The following SLC1A2 variants were observed in gnomAD, a reference collection of about 807,000 sequenced individuals.
SLC1A2 encodes the protein excitatory amino acid transporter 2.
A neutral mutation model predicts 48.8 loss-of-function variants in SLC1A2; 15 were observed. The observed-to-expected ratio is 0.31, with a 90% CI of 0.21 to 0.47. The LOEUF (loss-of-function observed/expected upper bound fraction) is 0.47. Among genes scored for constraint, SLC1A2 ranks in the 20% least tolerant of loss-of-function variants. The probability of loss-of-function intolerance (pLI) is 0.99; values close to 1 mark genes in which losing one functional copy is unlikely to be tolerated. For synonymous variants in SLC1A2, 279 were observed against 272.6 expected (o/e 1.02, Z -0.23); for missense variants, 502 against 730.5 (o/e 0.69, Z 3.61).
intron 1 of SLC1A2, among the ~76,000 whole-genome samples, chr11:35,369,523 G>C (rs1408020539): frequency 5.3e-5 from 8 of 152,176 alleles, no homozygotes; most frequent in African/African-American, 1.7e-4. Context: ...AAAAGCCATG[G>C]GGCCTTGGGG....
intron 1 of SLC1A2, among the ~76,000 whole-genome samples, chr11:35,372,028 C>T (rs542210008): frequency 3.9e-5 from 6 of 152,348 alleles, no homozygotes; most frequent in South Asian, 2.1e-4. Context: ...CAGCAGCTGG[C>T]TCCCCCATCA....
chr11:35,263,551 C>T (rs1950430458), intron 10 of SLC1A2, among the ~76,000 whole-genome samples: 1 of 152,176 alleles, frequency 6.6e-6, no homozygotes, highest in Admixed American at 6.5e-5. Flanking sequence ...AATCTAAAGA[C>T]ATCTCCACGC....
At chr11:35,323,419 T>C (rs994571424) in intron 1 of SLC1A2, 1 of 152,426 alleles carries the variant, frequency 6.6e-6, no homozygotes, top group Non-Finnish European at 1.5e-5. Flanking sequence ...AAACACGTTC[T>C]AATGTAAGAT....
intron 9 of SLC1A2, among the ~76,000 whole-genome samples, chr11:35,276,061 AG>A (rs1339392522): frequency 2.0e-5 from 3 of 152,210 alleles, no homozygotes; most frequent in Non-Finnish European, 4.4e-5. Context: ...TCCTCTTAAA[AG>A]GAATGCTCGT....
At chr11:35,418,714 C>T in intron 1 of SLC1A2, 2 of 556,386 alleles carry the variant, frequency 3.6e-6, no homozygotes, top group Non-Finnish European at 6.4e-6. Flanking sequence ...GCGCACCTTA[C>T]CCTTTTTATC....
chr11:35,352,064 T>A (rs1450329403), intron 1 of SLC1A2, among the ~76,000 whole-genome samples: 2 of 152,206 alleles, frequency 1.3e-5, no homozygotes, highest in African/African-American at 4.8e-5. Flanking sequence ...TTCCTTTATG[T>A]TTCCAACTTT....
intron 4 of SLC1A2, among the ~76,000 whole-genome samples, chr11:35,311,705 T>C (rs1393541262): frequency 6.6e-6 from 1 of 152,104 alleles, no homozygotes; most frequent in Non-Finnish European, 1.5e-5. Context: ...AGGGTATTTG[T>C]ATTTTTTTAA....
chr11:35,324,096 G>A (rs1001009533), intron 1 of SLC1A2, among the ~76,000 whole-genome samples: 2 of 152,222 alleles, frequency 1.3e-5, no homozygotes, highest in African/African-American at 4.8e-5. Flanking sequence ...AGAAATCGAA[G>A]GAGAAGAGCC....
chr11:35,369,171 T>C (rs1422912428), intron 1 of SLC1A2, among the ~76,000 whole-genome samples: 1 of 152,170 alleles, frequency 6.6e-6, no homozygotes, highest in South Asian at 2.1e-4. Flanking sequence ...GGATAATATG[T>C]GGGCAGCAAA....
At chr11:35,343,043 C>A (rs1852900443) in intron 1 of SLC1A2, among the ~76,000 whole-genome samples, 1 of 152,220 alleles carries the variant, frequency 6.6e-6, no homozygotes, top group African/African-American at 2.4e-5. Context: ...GGACTTCTAT[C>A]ACTATCCTGC....
At chr11:35,380,657 A>C in intron 1 of SLC1A2, 1 of 357,764 alleles carries the variant, frequency 2.8e-6, no homozygotes, top group Non-Finnish European at 5.0e-6. Context: ...GTATATAAAT[A>C]AAAACAAAAT....
chr11:35,265,201 G>C (rs1248909264), intron 10 of SLC1A2: 3 of 411,402 alleles, frequency 7.3e-6, no homozygotes, highest in Non-Finnish European at 1.3e-5. Context: ...CCTCGGCCTA[G>C]TAACCACAAA....
chr11:35,377,466 G>A (rs368069551), intron 1 of SLC1A2, among the ~76,000 whole-genome samples: 52 of 152,268 alleles, frequency 3.4e-4, no homozygotes, highest in Admixed American at 1.3e-3. Flanking sequence ...CCATCTGTTC[G>A]TTACCAAAGG....
intron 8 of SLC1A2, among the ~76,000 whole-genome samples, chr11:35,282,266 A>G (rs1296306435): frequency 6.6e-6 from 1 of 152,130 alleles, no homozygotes; most frequent in Non-Finnish European, 1.5e-5. Context: ...CATCTGGGTC[A>G]CAGGAGGTAC....
At chr11:35,285,972 A>G (rs573504721) in intron 8 of SLC1A2, 11 of 152,308 alleles carry the variant, frequency 7.2e-5, no homozygotes, top group Non-Finnish European at 1.3e-4. Flanking sequence ...ATGATTGCAA[A>G]AAGCTTTATT....
At chr11:35,270,551 T>C (rs1850254336) in intron 9 of SLC1A2, among the ~76,000 whole-genome samples, 1 of 152,212 alleles carries the variant, frequency 6.6e-6, no homozygotes. Context: ...GCAGCAAAAA[T>C]CCTTCTTAAA....
In SLC1A2 at chr11:35,407,696, T is replaced by C. The variant is rs1019523200; in HGVS notation, c.17+11254A>G. ...AATCCAATGAGTACTTTTCAGTCCT[T>C]CCACGATTTGACCTCTCCATAGCAT... On this transcript the variant is annotated intron_variant, in intron 1 of 10. Coordinates refer to ENST00000278379, the MANE Select transcript of SLC1A2 (RefSeq NM_004171.4). 2.0e-5 allele frequency among the ~76,000 whole-genome samples: 3 copies of C among 152,332 alleles called. No homozygotes were observed. In the South Asian group the frequency reaches 6.2e-4, roughly 32 times the overall value.
chr11:35,282,628 C>G (rs1259549650), intron 8 of SLC1A2, among the ~76,000 whole-genome samples: 1 of 151,988 alleles, frequency 6.6e-6, no homozygotes, highest in Non-Finnish European at 1.5e-5. Context: ...GAATTCTCAA[C>G]TGTTTCCCAA....
At chr11:35,309,674 A>AT (rs1851625912) in intron 4 of SLC1A2, among the ~76,000 whole-genome samples, 1 of 152,132 alleles carries the variant, frequency 6.6e-6, no homozygotes, top group African/African-American at 2.4e-5. Context: ...AAGACAGGTT[A>AT]TTTTAAATGA....
Sources: allele counts gnomAD v4.1 joint callset (sites outside exome capture counted in the v4.1 genomes callset), GRCh38; gene constraint gnomAD v4.1.1; transcripts MANE v1.5; gene names NCBI Gene and HGNC (gene_info 2026-07-23, HGNC 2026-07-21).